CAMTA1: variants seen among roughly 807,000 people sequenced by gnomAD.
CAMTA1 encodes the protein calmodulin-binding transcription activator 1.
CAMTA1 carries 27 observed loss-of-function variants against 170.9 expected under a neutral mutation model. That is an observed-to-expected ratio of 0.16 (90% CI 0.12 to 0.22). The LOEUF is 0.22. Ranked by LOEUF, CAMTA1 falls within the 10% of genes least tolerant of loss-of-function variation. CAMTA1 has a pLI of 1.00. For missense variants in CAMTA1, 1,619 were observed against 2,217.2 expected (o/e 0.73, Z 5.42); for synonymous variants, 833 against 891.5 (o/e 0.93, Z 1.17).
At chr1:7,128,308 G>T (rs1339716487) in intron 4 of CAMTA1, among the ~76,000 whole-genome samples, 1 of 152,174 alleles carries the variant, frequency 6.6e-6, no homozygotes, top group Non-Finnish European at 1.5e-5. Flanking sequence ...TGGGTCCTGT[G>T]AGTCCTTTCA....
At position 7,230,175 on chromosome 1, in the gene CAMTA1, A is replaced by G. The variant is rs370475595; in HGVS notation, c.303-19316A>G. ...GGCTCCTGGCCCGGCCCTGAAGCCTAGGTTTGAAATTGTGGCTTAATGATC... is the reference window on the plus strand; with the variant it reads ...GGCTCCTGGCCCGGCCCTGAAGCCTGGGTTTGAAATTGTGGCTTAATGATC... On this transcript the variant is annotated intron_variant, in intron 4 of 22. Transcript: ENST00000303635. Among the ~76,000 whole-genome samples the G allele has an allele frequency of 9.2e-5, 14 of 151,640 alleles. No homozygotes were observed. In the East Asian group the frequency reaches 2.6e-3, roughly 28 times the overall value.
At chr1:7,399,966 G>A (rs141828486) in intron 5 of CAMTA1, among the ~76,000 whole-genome samples, 4 of 152,250 alleles carry the variant, frequency 2.6e-5, no homozygotes, top group Middle Eastern at 3.4e-3. Flanking sequence ...TCTTTGGGTT[G>A]AACCTGTTTG....
intron 4 of CAMTA1, among the ~76,000 whole-genome samples, chr1:7,200,302 T>C (rs1656412726): frequency 6.6e-6 from 1 of 152,256 alleles, no homozygotes; most frequent in African/African-American, 2.4e-5. Context: ...AAGGACATTC[T>C]TGTACATAAC....
chr1:7,620,658 G>A (rs2095591877), intron 6 of CAMTA1, among the ~76,000 whole-genome samples: 2 of 152,192 alleles, frequency 1.3e-5, no homozygotes, highest in South Asian at 4.1e-4. Flanking sequence ...TATCCGCCCA[G>A]CACTCACAGA....
intron 5 of CAMTA1, among the ~76,000 whole-genome samples, chr1:7,255,423 G>A (rs867956128): frequency 3.3e-5 from 5 of 152,208 alleles, no homozygotes; most frequent in Admixed American, 2.6e-4. Flanking sequence ...ATACCCTACC[G>A]TATTCCTCAT....
chr1:7,305,011 T>C (rs1574551118), intron 5 of CAMTA1, among the ~76,000 whole-genome samples: 1 of 152,118 alleles, frequency 6.6e-6, no homozygotes. Flanking sequence ...TGATTTAGAA[T>C]GTATTATGGT....
intron 3 of CAMTA1, among the ~76,000 whole-genome samples, chr1:6,912,933 A>T (rs1429754683): frequency 6.6e-6 from 1 of 152,148 alleles, no homozygotes; most frequent in African/African-American, 2.4e-5. Flanking sequence ...CAGGATTTGA[A>T]CCCAGCCCAG....
intron 5 of CAMTA1, among the ~76,000 whole-genome samples, chr1:7,296,390 C>T (rs771071391): frequency 7.9e-5 from 12 of 152,214 alleles, no homozygotes; most frequent in Non-Finnish European, 1.8e-4. Flanking sequence ...TGGACCATTG[C>T]TCTGCCTTTT....
chr1:7,475,712 T>C (rs1347117972), intron 6 of CAMTA1, among the ~76,000 whole-genome samples: 1 of 152,200 alleles, frequency 6.6e-6, no homozygotes, highest in African/African-American at 2.4e-5. Flanking sequence ...AAGGCCTGGC[T>C]TTTGGTTCTC....
At chr1:7,625,244 G>A (rs573357635) in intron 6 of CAMTA1, among the ~76,000 whole-genome samples, 1 of 152,376 alleles carries the variant, frequency 6.6e-6, no homozygotes, top group Non-Finnish European at 1.5e-5. Flanking sequence ...ATGCCAAGGA[G>A]CATGGGGAAG....
intron 6 of CAMTA1, among the ~76,000 whole-genome samples, chr1:7,559,665 G>A (rs750735253): frequency 7.9e-5 from 12 of 152,072 alleles, no homozygotes; most frequent in African/African-American, 1.4e-4. Context: ...CTGAGCCTGC[G>A]CCTGTCACAG....
At position 7,685,489 on chromosome 1, in the gene CAMTA1, T is replaced by C. The variant is rs965800099; in HGVS notation, c.2914+7756T>C. 1.3e-5 allele frequency among the ~76,000 whole-genome samples: 2 copies of C among 152,124 alleles called. No homozygotes were observed. Among genetic ancestry groups the C allele is most frequent in the African/African-American group, 4.8e-5 (2 of 41,420 alleles). ...ATTCCACTTGAGGACTCCCAGCCCC[T>C]GTGTCCCCATTGATGGCCCCTTCCC... On this transcript the variant is annotated intron_variant, in intron 11 of 22. Coordinates refer to ENST00000303635, the MANE Select transcript of CAMTA1 (RefSeq NM_015215.4). This position sits in a 1 kb window ranked among gnomAD's most constrained non-coding sequence, Gnocchi z 5.7.
chr1:7,410,138 A>C (rs2090608137), intron 5 of CAMTA1, among the ~76,000 whole-genome samples: 1 of 152,220 alleles, frequency 6.6e-6, no homozygotes, highest in Admixed American at 6.5e-5. Context: ...GTTACAGTTG[A>C]TTTTAAAGTG....
rs563670084 is a variant in CAMTA1 at position 7,469,287 on chromosome 1, G to A, written c.510+1386G>A. ...GAGGGGAGTTGTCACATGGTCATGGGATGAGGCTTTTGGGGTCTTGTTACT... is the reference window on the plus strand; with the variant it reads ...GAGGGGAGTTGTCACATGGTCATGGAATGAGGCTTTTGGGGTCTTGTTACT... On this transcript the variant is annotated intron_variant, in intron 6 of 22. Coordinates refer to ENST00000303635, the MANE Select transcript of CAMTA1 (RefSeq NM_015215.4). Among the ~76,000 whole-genome samples, 11 of 152,306 alleles carry A rather than the reference G, an allele frequency of 7.2e-5. No individual in the cohort carries two copies. The South Asian group carries it at 2.3e-3, about 32-fold the overall frequency.
intron 3 of CAMTA1, among the ~76,000 whole-genome samples, chr1:6,919,885 A>G (rs1681624604): frequency 6.6e-6 from 1 of 151,044 alleles, no homozygotes; most frequent in African/African-American, 2.4e-5. Flanking sequence ...TAATTCAGTC[A>G]TCTCCCACTG....
intron 3 of CAMTA1, among the ~76,000 whole-genome samples, chr1:6,948,711 C>T (rs2149464176): frequency 6.6e-6 from 1 of 152,190 alleles, no homozygotes; most frequent in African/African-American, 2.4e-5. Flanking sequence ...TATCCTCTTC[C>T]CACAGTTCAG....
intron 3 of CAMTA1, chr1:6,874,360 C>T (rs1353695825): frequency 1.3e-5 from 2 of 152,296 alleles, no homozygotes; most frequent in African/African-American, 4.8e-5. Flanking sequence ...CACCCAACCT[C>T]TCTGTGCCTG....
At chr1:7,346,161 G>A (rs1183589429) in intron 5 of CAMTA1, among the ~76,000 whole-genome samples, 3 of 152,138 alleles carry the variant, frequency 2.0e-5, no homozygotes, top group Admixed American at 6.5e-5. Context: ...TCTTACCAAG[G>A]CCTACAGCAT....
chr1:7,566,432 C>A (rs746063973), intron 6 of CAMTA1, among the ~76,000 whole-genome samples: 1 of 152,212 alleles, frequency 6.6e-6, no homozygotes, highest in African/African-American at 2.4e-5. Context: ...GAGTTGCAGG[C>A]AGGCACTGCA....
Sources: gnomAD v4.1 joint callset for allele counts (sites outside exome capture counted in the v4.1 genomes callset) on GRCh38, gnomAD v4.1.1 for gene constraint, Gnocchi (gnomAD v3.1) non-coding constraint, MANE v1.5 for transcripts, NCBI Gene and HGNC (gene_info 2026-07-23, HGNC 2026-07-21) for gene names.